FILIP1L: variants seen among roughly 807,000 people sequenced by gnomAD.
FILIP1L encodes the protein filamin A interacting protein 1 like.
In FILIP1L, 55 loss-of-function variants were observed where a neutral mutation model predicts 96.6. The observed-to-expected ratio is 0.57, with a 90% CI of 0.46 to 0.71. The LOEUF (loss-of-function observed/expected upper bound fraction) is 0.71, where lower values mean the gene tolerates loss of function less well. FILIP1L is among the 30% of genes least tolerant of loss of function. The probability of loss-of-function intolerance (pLI) is 0.00; values close to 1 mark genes in which losing one functional copy is unlikely to be tolerated. For synonymous variants in FILIP1L, 467 were observed against 473.9 expected, an observed-to-expected ratio of 0.99 and a Z score of 0.19; for missense variants, 1,304 against 1,321.2, an observed-to-expected ratio of 0.99 and a Z score of 0.20.
chr3:100,030,683 A>G (rs1219392279), intron 1 of FILIP1L, among the ~76,000 whole-genome samples: 2 of 152,166 alleles, frequency 1.3e-5, no homozygotes, highest in African/African-American at 4.8e-5. Context: ...ACATTAAACC[A>G]GTATCCAATA....
intron 1 of FILIP1L, among the ~76,000 whole-genome samples, chr3:100,049,686 C>T (rs372701445): frequency 6.6e-6 from 1 of 152,120 alleles, no homozygotes; most frequent in African/African-American, 2.4e-5. Context: ...TCCTTCTCAG[C>T]CTACTTGAAG....
At chr3:99,917,739 G>A (rs1706996304) in intron 4 of FILIP1L, among the ~76,000 whole-genome samples, 1 of 152,192 alleles carries the variant, frequency 6.6e-6, no homozygotes, top group African/African-American at 2.4e-5. Flanking sequence ...ATATGTGGAA[G>A]CAGTAGGGTA....
intron 1 of FILIP1L, among the ~76,000 whole-genome samples, chr3:100,004,414 G>T (rs145366415): frequency 8.9e-4 from 136 of 152,260 alleles, no homozygotes; most frequent in African/African-American, 3.1e-3. Flanking sequence ...GTTCATAAGA[G>T]AACTGTGTTA....
intron 4 of FILIP1L, among the ~76,000 whole-genome samples, chr3:99,921,937 C>T (rs2107651427): frequency 6.6e-6 from 1 of 152,286 alleles, no homozygotes; most frequent in Admixed American, 6.5e-5. Flanking sequence ...ATAATCTTTG[C>T]CATCTGCCTC....
At chr3:100,073,954 C>T (rs1251989398) in intron 1 of FILIP1L, among the ~76,000 whole-genome samples, 2 of 152,166 alleles carry the variant, frequency 1.3e-5, no homozygotes, top group African/African-American at 4.8e-5. Flanking sequence ...TGTTTCCTTT[C>T]GGTGTGGCCA....
intron 4 of FILIP1L, among the ~76,000 whole-genome samples, chr3:99,883,278 C>T (rs553762346): frequency 3.3e-5 from 5 of 152,330 alleles, no homozygotes; most frequent in African/African-American, 1.2e-4. Context: ...CTAACTTCCA[C>T]TCATTGTTCT....
intron 5 of FILIP1L, among the ~76,000 whole-genome samples, chr3:99,842,532 G>A (rs772490811): frequency 2.0e-5 from 3 of 149,690 alleles, no homozygotes; most frequent in Non-Finnish European, 4.4e-5. Flanking sequence ...ATGGTCTCAG[G>A]TAACCCCTCA....
chr3:99,848,763 T>C lies in FILIP1L; in HGVS notation c.2913A>G (p.Gln971=), dbSNP rs200458263. The part of the protein sequence containing the change: ...TSTEDLMNLE[Q]GMSPITMATF... ...TTGCCATGGTAATTGGGGACATGCC[T>C]TGTTCTAAATTCATGAGGTCTTCGG... The change falls in exon 5 of 6, where the codon CAA becomes CAG. Residue 971 remains glutamine, a synonymous_variant. Coordinates refer to ENST00000477258, the MANE Select transcript of FILIP1L (RefSeq NM_001387850.1). 1.2e-6 allele frequency: 2 copies of C among 1,614,070 alleles called. No individual in the cohort carries two copies. Among genetic ancestry groups the C allele is most frequent in the African/African-American group, 1.3e-5 (1 of 74,930 alleles).
intron 4 of FILIP1L, among the ~76,000 whole-genome samples, chr3:99,895,616 G>A (rs367948995): frequency 1.3e-4 from 20 of 151,990 alleles, no homozygotes; most frequent in Non-Finnish European, 2.1e-4. Context: ...ATTGGTTTTC[G>A]TATACCAAAA....
At chr3:100,079,044 A>G (rs1361901813) in intron 1 of FILIP1L, among the ~76,000 whole-genome samples, 2 of 152,182 alleles carry the variant, frequency 1.3e-5, no homozygotes, top group Non-Finnish European at 2.9e-5. Flanking sequence ...CTCTTTTCCA[A>G]ATGAGGTGGG....
intron 4 of FILIP1L, among the ~76,000 whole-genome samples, chr3:99,864,923 C>T (rs1389120432): frequency 1.3e-5 from 2 of 152,098 alleles, no homozygotes; most frequent in Non-Finnish European, 2.9e-5. Context: ...CGCACACACG[C>T]ATCTCATTCA....
chr3:100,068,305 C>T (rs151308144), intron 1 of FILIP1L, among the ~76,000 whole-genome samples: 3 of 151,858 alleles, frequency 2.0e-5, no homozygotes, highest in Non-Finnish European at 4.4e-5. Flanking sequence ...TATTATAAAC[C>T]TGGATGGATG....
intron 1 of FILIP1L, among the ~76,000 whole-genome samples, chr3:99,967,438 C>G (rs530971400): frequency 3.3e-5 from 5 of 152,252 alleles, no homozygotes; most frequent in African/African-American, 1.2e-4. Context: ...CCATAAGAGC[C>G]TGAATTTAAT....
chr3:99,887,310 T>C, intron 4 of FILIP1L, among the ~76,000 whole-genome samples: 1 of 152,144 alleles, frequency 6.6e-6, no homozygotes, highest in East Asian at 1.9e-4. Context: ...CTGGTAGATC[T>C]TCATCAGAAG....
At chr3:99,905,480 AC>A (rs1197350211) in intron 4 of FILIP1L, among the ~76,000 whole-genome samples, 4 of 152,226 alleles carry the variant, frequency 2.6e-5, no homozygotes, top group Non-Finnish European at 5.9e-5. Context: ...CATCTTTAGA[AC>A]ATGTAACATA....
intron 1 of FILIP1L, among the ~76,000 whole-genome samples, chr3:99,994,615 A>G (rs375109280): frequency 5.6e-4 from 85 of 152,340 alleles, no homozygotes; most frequent in Middle Eastern, 6.8e-3. Flanking sequence ...GAAATTAAAC[A>G]GCATGTTCCT....
At chr3:100,033,109 G>T (rs1367256173) in intron 1 of FILIP1L, among the ~76,000 whole-genome samples, 1 of 151,974 alleles carries the variant, frequency 6.6e-6, no homozygotes, top group African/African-American at 2.4e-5. Flanking sequence ...TATATTGCTG[G>T]ATAGCATTAC....
At chr3:99,954,985 C>T (rs1708278806) in intron 1 of FILIP1L, among the ~76,000 whole-genome samples, 1 of 152,172 alleles carries the variant, frequency 6.6e-6, no homozygotes, top group Admixed American at 6.5e-5. Context: ...CTGCCATTCT[C>T]CTCTCATCTG....
intron 1 of FILIP1L, among the ~76,000 whole-genome samples, chr3:99,935,960 C>T (rs1707653000): frequency 1.3e-5 from 2 of 152,126 alleles, no homozygotes; most frequent in African/African-American, 4.8e-5. Flanking sequence ...CATTACCTTC[C>T]TCCAGCAGCC....
Sources: allele counts gnomAD v4.1 joint callset (sites outside exome capture counted in the v4.1 genomes callset), GRCh38; gene constraint gnomAD v4.1.1; transcripts MANE v1.5; gene names NCBI Gene and HGNC (gene_info 2026-07-23, HGNC 2026-07-21).